P3H2: variants seen among roughly 807,000 people sequenced by gnomAD.
The protein encoded by P3H2 is leprecan-like 1.
P3H2 carries 80 observed loss-of-function variants against 87.0 expected under a neutral mutation model. The observed-to-expected ratio is 0.92, with a 90% confidence interval of 0.77 to 1.11. The LOEUF is 1.11. P3H2 is among the 50% of genes least tolerant of loss of function. P3H2 has a pLI of 0.00. For synonymous variants in P3H2, 367 were observed against 359.3 expected (o/e 1.02, Z -0.24); for missense variants, 1,001 against 923.9 (o/e 1.08, Z -1.08).
intron 1 of P3H2, among the ~76,000 whole-genome samples, chr3:190,036,777 T>G (rs1725438255): frequency 6.6e-6 from 1 of 152,184 alleles, no homozygotes; most frequent in African/African-American, 2.4e-5. Context: ...CCCTCTGCTC[T>G]GCCCTTGAGC....
chr3:190,115,688 T>C (rs1370316854), intron 1 of P3H2, among the ~76,000 whole-genome samples: 1 of 152,214 alleles, frequency 6.6e-6, no homozygotes, highest in Non-Finnish European at 1.5e-5. Flanking sequence ...TCAACAGTCC[T>C]GAAACGTTCT....
intron 1 of P3H2, among the ~76,000 whole-genome samples, chr3:190,007,965 C>CACACACACACATATATAT: frequency 8.5e-4 from 80 of 94,356 alleles, no homozygotes; most frequent in Admixed American, 2.5e-3. Flanking sequence ...TGTTGACACA[C>CACACACACACATATATAT]ATATATATAT....
intron 1 of P3H2, among the ~76,000 whole-genome samples, chr3:190,100,284 C>T (rs1306554511): frequency 7.9e-6 from 1 of 126,454 alleles, no homozygotes; most frequent in East Asian, 2.6e-4. Context: ...TCTATGATTG[C>T]ATAAGGCTTG....
At chr3:189,980,703 A>G (rs762495423) in intron 8 of P3H2, among the ~76,000 whole-genome samples, 1 of 152,202 alleles carries the variant, frequency 6.6e-6, no homozygotes, top group Non-Finnish European at 1.5e-5. Context: ...TAAGAAATAT[A>G]CTGGTTTTTA....
At chr3:190,076,564 GAATT>G (rs1207663238) in intron 1 of P3H2, among the ~76,000 whole-genome samples, 5 of 152,180 alleles carry the variant, frequency 3.3e-5, no homozygotes, top group South Asian at 2.1e-4. Context: ...ATGTGCTTTA[GAATT>G]AATATAAGCA....
intron 3 of P3H2, among the ~76,000 whole-genome samples, chr3:189,993,820 C>CA (rs528231643): frequency 1.9e-3 from 283 of 151,916 alleles, no homozygotes; most frequent in African/African-American, 6.6e-3. Flanking sequence ...AGTTGAAAAA[C>CA]ATTATATATA....
intron 1 of P3H2, among the ~76,000 whole-genome samples, chr3:190,068,255 T>G (rs545214260): frequency 6.6e-6 from 1 of 152,274 alleles, no homozygotes; most frequent in East Asian, 1.9e-4. Flanking sequence ...TCAATCTGGT[T>G]GAATTTCAAC....
chr3:189,958,699 CTTTTTTTTTTTT>C (rs71175319), intron 14 of P3H2, among the ~76,000 whole-genome samples: 31,902 of 120,362 alleles, frequency 0.27, 3,904 homozygotes, highest in Middle Eastern at 0.32. Flanking sequence ...ATTGCTCCCT[CTTTTTTTTTTTT>C]TTTTTTTTTG....
At chr3:189,961,918 T>A (rs1489772715) in intron 14 of P3H2, among the ~76,000 whole-genome samples, 1 of 152,216 alleles carries the variant, frequency 6.6e-6, no homozygotes, top group Non-Finnish European at 1.5e-5. Context: ...AAATGTCTGC[T>A]GAATTGAATA....
chr3:190,066,158 TACACAC>T (rs796289092), intron 1 of P3H2, among the ~76,000 whole-genome samples: 1 of 134,600 alleles, frequency 7.4e-6, no homozygotes, highest in African/African-American at 3.1e-5. Context: ...TATATATATA[TACACAC>T]ACACACACAC....
In P3H2 at chr3:189,956,931, C is replaced by A. The variant is rs1468315805; in HGVS notation, c.*981G>T. ...GCAACCTGGCCATGGTGCCCGGATG[C>A]AGGCAGTATTCAAGAGTTTCTTCCA... On this transcript the variant is annotated 3_prime_UTR_variant, in exon 15 of 15. Coordinates refer to ENST00000319332, the MANE Select transcript of P3H2 (RefSeq NM_018192.4). 2.5e-6 allele frequency: 1 copy of A among 394,602 alleles called. No homozygotes were observed. The highest frequency in any genetic ancestry group is 4.5e-6 in the Non-Finnish European group (1 of 224,294). 24.4% of individuals were successfully genotyped at this position (394,602 alleles called of 1,614,324 possible). A position where few individuals can be genotyped will look rare whatever the true frequency, so the allele number is the denominator to read the frequency against.
At chr3:190,087,862 G>A (rs1727279382) in intron 1 of P3H2, among the ~76,000 whole-genome samples, 1 of 152,134 alleles carries the variant, frequency 6.6e-6, no homozygotes. Flanking sequence ...GATCATCTGT[G>A]TTTTCACAGC....
At chr3:189,974,739 G>C (rs551049941) in intron 8 of P3H2, 54 bp from the exon 9 acceptor site, 6 of 1,609,782 alleles carry the variant, frequency 3.7e-6, no homozygotes, top group Non-Finnish European at 5.1e-6. Flanking sequence ...CCGAAAGGAA[G>C]CACAGAATAC....
intron 3 of P3H2, among the ~76,000 whole-genome samples, chr3:189,993,113 A>G (rs1577259576): frequency 6.6e-6 from 1 of 152,106 alleles, no homozygotes; most frequent in African/African-American, 2.4e-5. Flanking sequence ...ACCTGAGGTC[A>G]GGAGATCGAG....
chr3:190,008,347 G>C (rs1428328933), intron 1 of P3H2, among the ~76,000 whole-genome samples: 1 of 151,902 alleles, frequency 6.6e-6, no homozygotes, highest in Non-Finnish European at 1.5e-5. Flanking sequence ...TCCAAAAGTC[G>C]GTGGCAGACA....
intron 1 of P3H2, among the ~76,000 whole-genome samples, chr3:190,107,039 C>T (rs1209029313): frequency 6.6e-6 from 1 of 152,040 alleles, no homozygotes; most frequent in Non-Finnish European, 1.5e-5. Context: ...CTTTTTAAGT[C>T]TGTTAAAGGA....
chr3:190,061,755 T>C (rs940265946), intron 1 of P3H2, among the ~76,000 whole-genome samples: 2 of 152,186 alleles, frequency 1.3e-5, no homozygotes, highest in East Asian at 1.9e-4. Context: ...GGGTTTCTTA[T>C]TGCCTTCAAA....
chr3:190,095,464 T>C (rs1727545567), intron 1 of P3H2, among the ~76,000 whole-genome samples: 1 of 149,276 alleles, frequency 6.7e-6, no homozygotes, highest in African/African-American at 2.5e-5. Context: ...AAAAACCTCA[T>C]CCAAAAGTTT....
In P3H2 at chr3:189,994,566, T is replaced by G. The variant is rs149145121; in HGVS notation, c.634-283A>C. ...CCTTAGCACATGCAAGACTGTGTTTTTGAAATCATTTGCCTATAGGTAGGG... is the reference window on the plus strand; with the variant it reads ...CCTTAGCACATGCAAGACTGTGTTTGTGAAATCATTTGCCTATAGGTAGGG... On this transcript the variant is annotated intron_variant, in intron 2 of 14. Transcript: ENST00000319332. Among the ~76,000 whole-genome samples the G allele has an allele frequency of 1.5e-4, 23 of 152,288 alleles. No homozygotes were observed. The East Asian group carries it at 4.4e-3, about 29-fold the overall frequency.
Sources: gnomAD v4.1 joint callset for allele counts (sites outside exome capture counted in the v4.1 genomes callset) on GRCh38, gnomAD v4.1.1 for gene constraint, MANE v1.5 for transcripts, NCBI Gene and HGNC (gene_info 2026-07-23, HGNC 2026-07-21) for gene names.